Variants in JADE2 observed in about 807,000 individuals in gnomAD.
The protein encoded by JADE2 is jade family PHD finger 2.
JADE2 carries 13 observed loss-of-function variants against 85.7 expected under a neutral mutation model. That is an observed-to-expected ratio of 0.15 (90% confidence interval 0.10 to 0.24). The LOEUF is 0.24. JADE2 is among the 10% of genes least tolerant of loss of function. JADE2 has a pLI of 1.00. For missense variants in JADE2, 846 were observed against 1,115.9 expected (o/e 0.76, Z 3.45); for synonymous variants, 440 against 456.1 (o/e 0.96, Z 0.45).
At chr5:134,534,543 C>G (rs1285989492) in intron 1 of JADE2, among the ~76,000 whole-genome samples, 1 of 152,138 alleles carries the variant, frequency 6.6e-6, no homozygotes, top group Admixed American at 6.5e-5. Context: ...TCCTGGTCAG[C>G]TGAGAGATCT....
chr5:134,558,351 A>G (rs1279982532), intron 4 of JADE2, among the ~76,000 whole-genome samples: 2 of 143,368 alleles, frequency 1.4e-5, no homozygotes, highest in African/African-American at 5.3e-5. Context: ...CTCTCATGGT[A>G]GTTTCTTTTG....
intron 3 of JADE2, among the ~76,000 whole-genome samples, chr5:134,546,631 G>A (rs932337040): frequency 1.3e-5 from 2 of 151,988 alleles, no homozygotes; most frequent in African/African-American, 2.4e-5. Flanking sequence ...AGCTGGGCGC[G>A]GTGGCCGGTG....
chr5:134,554,516 C>T (rs906878348), intron 4 of JADE2, among the ~76,000 whole-genome samples: 2 of 152,170 alleles, frequency 1.3e-5, no homozygotes, highest in Admixed American at 6.5e-5. Flanking sequence ...GCAGATGTTT[C>T]CACACCAGTA....
rs1357998452 is a variant in JADE2, at chr5:134,578,733, C to T, written c.1921C>T (p.Arg641Cys). Reference protein sequence around the residue: ...PGDPARKARGRTRLPAKKKPP... With the variant: ...PGDPARKARGCTRLPAKKKPP... Reference sequence around the variant, plus strand: ...TGACCCTGCTAGGAAGGCCCGAGGCCGCACCCGCCTGCCTGCCAAGAAGAA... The same window carrying T: ...TGACCCTGCTAGGAAGGCCCGAGGCTGCACCCGCCTGCCTGCCAAGAAGAA... The change falls in exon 12 of 12, where the codon CGC becomes TGC. Residue 641 changes from arginine (R) to cysteine (C), a missense_variant. By Grantham distance (180) the Arg-to-Cys change is radical. This residue lies in a region of JADE2 where 300 missense variants were observed against 300.7 expected (regional missense o/e 1.00). Coordinates refer to ENST00000681547, the MANE Select transcript of JADE2 (RefSeq NM_001388185.1). This position sits in a 1 kb window ranked among gnomAD's most constrained non-coding sequence, Gnocchi z 4.4. 7.4e-6 allele frequency: 12 copies of T among 1,613,118 alleles called. No homozygotes were observed. Among genetic ancestry groups the T allele is most frequent in the East Asian group, 6.7e-5 (3 of 44,868 alleles).
chr5:134,564,820 G>A (rs769236118), intron 8 of JADE2, among the ~76,000 whole-genome samples: 12 of 152,168 alleles, frequency 7.9e-5, no homozygotes, highest in Admixed American at 1.3e-4. Flanking sequence ...GAACAGACCC[G>A]GGGAACCAAG....
intron 3 of JADE2, among the ~76,000 whole-genome samples, chr5:134,540,022 G>GA (rs1761874833): frequency 6.6e-6 from 1 of 152,102 alleles, no homozygotes. Flanking sequence ...GTTAAGAGAG[G>GA]GGAATGCAGT....
chr5:134,570,056 A>G (rs934068556), intron 9 of JADE2, among the ~76,000 whole-genome samples: 2 of 152,098 alleles, frequency 1.3e-5, no homozygotes, highest in Non-Finnish European at 2.9e-5. Context: ...CACTCCCTGT[A>G]TGGCACTGGC....
chr5:134,536,369 G>A (rs1379045569), intron 2 of JADE2, among the ~76,000 whole-genome samples: 1 of 152,100 alleles, frequency 6.6e-6, no homozygotes, highest in Admixed American at 6.5e-5. Context: ...CCCCAGCTAC[G>A]ATCTGGCACA....
chr5:134,552,178 G>T lies in JADE2; in HGVS notation c.280G>T (p.Gly94Trp). 4 of 1,614,204 alleles carry T rather than the reference G, an allele frequency of 2.5e-6. No individual in the cohort carries two copies. The highest frequency in any genetic ancestry group is 3.4e-6 in the Non-Finnish European group (4 of 1,180,028). Reference protein sequence around the residue: ...EWEKGVQVPAGAEAIPEPVVR... With the variant: ...EWEKGVQVPAWAEAIPEPVVR... ...GGAGAAAGGTGTGCAGGTGCCTGCC[G>T]GGGCAGAGGCCATCCCAGAGCCCGT... Residue 94 changes from glycine to tryptophan, a missense_variant, in exon 4 of 12, where the codon GGG becomes TGG. Gly to Trp is a radical substitution (Grantham distance 184). Around this residue, in one of 9 missense-constraint regions of JADE2, gnomAD observed 44 missense variants for 92.0 expected, o/e 0.48. Coordinates refer to ENST00000681547, the MANE Select transcript of JADE2 (RefSeq NM_001388185.1).
Position 134,562,355 on chromosome 5 carries a change from A to G in JADE2, c.840A>G (p.Leu280=), listed in dbSNP as rs199572513. 1.9e-6 allele frequency: 3 copies of G among 1,612,264 alleles called. No individual in the cohort carries two copies. Among genetic ancestry groups the G allele is most frequent in the East Asian group, 2.2e-5 (1 of 44,844 alleles). Residue 280 remains leucine, a synonymous_variant, in exon 7 of 12, where the codon CTA becomes CTG. Transcript: ENST00000681547. This position sits in a 1 kb window ranked among gnomAD's most constrained non-coding sequence, Gnocchi z 4.6. The part of the protein sequence containing the change: ...GTKWVHVSCA[L]WIPEVSIGCP... ...AGTGGGTGCATGTCAGCTGTGCCCT[A>G]TGGATTCCTGAGGTGGGTGAGCGTG...
chr5:134,525,679 C>A lies in JADE2; in HGVS notation c.-333C>A. The A allele has an allele frequency of 8.1e-7, 1 of 1,235,928 alleles. No homozygotes were observed. Among genetic ancestry groups the A allele is most frequent in the Non-Finnish European group, 1.0e-6 (1 of 970,540 alleles). 76.6% of individuals were successfully genotyped at this position (1,235,928 alleles called of 1,614,324 possible). ...TGGTTTAAAAAGAAACAGAAACATA[C>A]ACAGGGGGTTGGTGAATGGTGCCGA... On this transcript the variant is annotated 5_prime_UTR_variant, in exon 1 of 12. Coordinates refer to ENST00000681547, the MANE Select transcript of JADE2 (RefSeq NM_001388185.1).
intron 7 of JADE2, among the ~76,000 whole-genome samples, chr5:134,563,618 A>T (rs1763464726): frequency 6.6e-6 from 1 of 152,258 alleles, no homozygotes; most frequent in African/African-American, 2.4e-5. Context: ...GAAGCAAGCC[A>T]GGTGGCCCTG....
chr5:134,554,648 C>T (rs1431393248), intron 4 of JADE2, among the ~76,000 whole-genome samples: 2 of 152,154 alleles, frequency 1.3e-5, no homozygotes, highest in African/African-American at 4.8e-5. Context: ...GCTAAGCTGA[C>T]GTGAGCTGGG....
intron 4 of JADE2, among the ~76,000 whole-genome samples, chr5:134,556,620 AC>A (rs1338995094): frequency 2.7e-5 from 2 of 75,132 alleles, no homozygotes; most frequent in South Asian, 5.5e-4. Context: ...ACATACACAC[AC>A]ACCACACACA....
chr5:134,561,061 A>G, intron 6 of JADE2, 104 bp downstream of exon 6: 1 of 899,064 alleles, frequency 1.1e-6, no homozygotes, highest in South Asian at 1.6e-5. Context: ...AGAAGCCCTT[A>G]AGAAGGAGGA....
intron 8 of JADE2, among the ~76,000 whole-genome samples, chr5:134,565,025 G>A (rs185850876): frequency 6.6e-6 from 1 of 152,208 alleles, no homozygotes; most frequent in African/African-American, 2.4e-5. Context: ...CTTTAGCAAA[G>A]CCTATTCCCA....
intron 3 of JADE2, among the ~76,000 whole-genome samples, chr5:134,544,109 A>G (rs1430351106): frequency 1.3e-5 from 2 of 152,270 alleles, no homozygotes; most frequent in African/African-American, 4.8e-5. Flanking sequence ...GGTTTCCCCA[A>G]GCAGGCTGTC....
chr5:134,570,309 C>A (rs1215625713), intron 9 of JADE2, among the ~76,000 whole-genome samples: 1 of 152,156 alleles, frequency 6.6e-6, no homozygotes, highest in Admixed American at 6.5e-5. Context: ...CCATTCTCTT[C>A]CCTTCCCTCC....
chr5:134,527,182 C>T (rs1436169089), intron 1 of JADE2, among the ~76,000 whole-genome samples: 2 of 145,564 alleles, frequency 1.4e-5, no homozygotes, highest in East Asian at 4.2e-4. Flanking sequence ...CCGGCAGTGG[C>T]ATCTTCCCGG....
Sources: gnomAD v4.1 joint callset for allele counts (sites outside exome capture counted in the v4.1 genomes callset) on GRCh38, gnomAD v4.1.1 for gene constraint, gnomAD v4.1.1 regional missense constraint, Gnocchi (gnomAD v3.1) non-coding constraint, MANE v1.5 for transcripts, NCBI Gene and HGNC (gene_info 2026-07-23, HGNC 2026-07-21) for gene names.